RNF212: variants seen among roughly 807,000 people sequenced by gnomAD.
RNF212 encodes the protein probable E3 SUMO-protein ligase RNF212.
In RNF212, 33 loss-of-function variants were observed where a neutral mutation model predicts 34.7. That is an observed-to-expected ratio of 0.95 (90% CI 0.72 to 1.27). The LOEUF (loss-of-function observed/expected upper bound fraction) is 1.27. Ranked by LOEUF, RNF212 falls within the 50% of genes most tolerant of loss-of-function variation. RNF212 has a pLI of 0.00. For synonymous variants in RNF212, 140 were observed against 136.1 expected (o/e 1.03, Z -0.20); for missense variants, 377 against 362.2 (o/e 1.04, Z -0.33).
downstream of RNF212, among the ~76,000 whole-genome samples, chr4:1,068,165 T>C (rs1159494704): frequency 6.6e-6 from 1 of 152,198 alleles, no homozygotes; most frequent in African/African-American, 2.4e-5. Context: ...ATTATGTTGA[T>C]AAATTAAGAA....
Position 1,083,157 on chromosome 4 carries a change from C to T in RNF212, c.363-1538G>A, listed in dbSNP as rs527454997. 3.6e-4 allele frequency among the ~76,000 whole-genome samples: 55 copies of T among 152,220 alleles called. 1 individual carries two copies. Among genetic ancestry groups the T allele is most frequent in the Admixed American group, 1.0e-3 (16 of 15,304 alleles). ...CTCACCAGAGATCAGCAGAAATATA[C>T]CTCCCTCCAGCGAGAGTGGAAGAAA... On this transcript the variant is annotated intron_variant, in intron 5 of 9. Transcript: ENST00000433731.
chr4:1,106,249 T>C (rs947074301), intron 2 of RNF212, among the ~76,000 whole-genome samples: 1 of 145,948 alleles, frequency 6.9e-6, no homozygotes, highest in Non-Finnish European at 1.5e-5. Context: ...CAATTTTACT[T>C]ACACACACAC....
chr4:1,060,811 A>G (rs1163219894), intron 3 of RNF212, among the ~76,000 whole-genome samples: 1 of 152,156 alleles, frequency 6.6e-6, no homozygotes, highest in African/African-American at 2.4e-5. Flanking sequence ...AGCCCCACAC[A>G]CTGCTCAGTG....
Position 1,074,096 on chromosome 4 carries a change from T to C in RNF212, c.511-434A>G, listed in dbSNP as rs115539413. On this transcript the variant is annotated intron_variant, in intron 8 of 9. Coordinates refer to ENST00000433731, the MANE Select transcript of RNF212 (RefSeq NM_001131034.4). ...GCTCAGAGCTGTGTGTGCTGGGCCC[T>C]GCTCTGTGCCCACCCTTCACTCTAT... 1.2e-3 allele frequency among the ~76,000 whole-genome samples: 183 copies of C among 152,292 alleles called. 1 individual carries two copies. Among genetic ancestry groups the C allele is most frequent in the African/African-American group, 4.3e-3 (177 of 41,562 alleles).
intron 8 of RNF212, among the ~76,000 whole-genome samples, chr4:1,075,533 A>G (rs1298833714): frequency 6.6e-6 from 1 of 152,176 alleles, no homozygotes; most frequent in South Asian, 2.1e-4. Context: ...CATGGCAAAG[A>G]CAGCACCAGC....
intron 2 of RNF212, among the ~76,000 whole-genome samples, chr4:1,104,433 C>T (rs778749225): frequency 4.6e-5 from 7 of 152,152 alleles, no homozygotes; most frequent in Middle Eastern, 3.2e-3. Context: ...CCCTGTTCTC[C>T]AGGGCTTCTG....
At chr4:1,110,307 G>C (rs1725458724) in intron 1 of RNF212, among the ~76,000 whole-genome samples, 1 of 152,178 alleles carries the variant, frequency 6.6e-6, no homozygotes, top group African/African-American at 2.4e-5. Context: ...TGAAGGTCAA[G>C]GTCACTAGTA....
intron 4 of RNF212, chr4:1,056,803 G>A (rs1717353033): frequency 2.0e-6 from 2 of 981,982 alleles, no homozygotes; most frequent in Non-Finnish European, 2.4e-6. Context: ...ACTTTCCCAA[G>A]AGCATTTTCT....
At chr4:1,082,642 T>C (rs1244539115) in intron 5 of RNF212, among the ~76,000 whole-genome samples, 1 of 152,240 alleles carries the variant, frequency 6.6e-6, no homozygotes, top group Non-Finnish European at 1.5e-5. Context: ...TCACTTATCC[T>C]GACAGCCTGT....
intron 2 of RNF212, among the ~76,000 whole-genome samples, chr4:1,101,906 G>C (rs952056706): frequency 2.0e-5 from 3 of 152,122 alleles, no homozygotes; most frequent in African/African-American, 7.2e-5. Context: ...GTGTGTACTT[G>C]GCCATGTGTT....
chr4:1,107,634 T>C (rs1324926599), intron 2 of RNF212, among the ~76,000 whole-genome samples: 3 of 151,928 alleles, frequency 2.0e-5, no homozygotes, highest in Non-Finnish European at 4.4e-5. Flanking sequence ...GTATTTTTAG[T>C]AGAGATGGGG....
At chr4:1,060,238 A>G (rs1717662182) in intron 3 of RNF212, among the ~76,000 whole-genome samples, 1 of 152,370 alleles carries the variant, frequency 6.6e-6, no homozygotes, top group Non-Finnish European at 1.5e-5. Flanking sequence ...AGCAGTGCTC[A>G]AGAGAGCCAA....
intron 1 of RNF212, among the ~76,000 whole-genome samples, chr4:1,111,111 C>G (rs1422745444): frequency 6.6e-6 from 1 of 152,112 alleles, no homozygotes; most frequent in African/African-American, 2.4e-5. Context: ...TCACCAGTGC[C>G]CTCCTCACTG....
At chr4:1,089,407 TC>T (rs1275239429) in intron 4 of RNF212, among the ~76,000 whole-genome samples, 1 of 152,226 alleles carries the variant, frequency 6.6e-6, no homozygotes, top group African/African-American at 2.4e-5. Context: ...ATGCCTGTAC[TC>T]CCATAGTATC....
At chr4:1,058,513 A>G in intron 3 of RNF212, 1 of 288,006 alleles carries the variant, frequency 3.5e-6, no homozygotes, top group Non-Finnish European at 5.2e-6. Flanking sequence ...CCCTGCCACG[A>G]GGGCAGTGGC....
intron 5 of RNF212, among the ~76,000 whole-genome samples, chr4:1,083,639 AAAACAAACAAAC>A (rs76992730): frequency 9.6e-4 from 144 of 149,298 alleles, no homozygotes; most frequent in East Asian, 7.9e-4. Context: ...CTCTGTCTCA[AAAACAAACAAAC>A]AAACAAACAA....
Position 1,085,916 on chromosome 4 carries a change from C to A in RNF212, c.342G>T (p.Leu114=). The A allele has an allele frequency of 6.2e-7, 1 of 1,612,502 alleles. No homozygotes were observed. The highest frequency in any genetic ancestry group is 8.5e-7 in the Non-Finnish European group (1 of 1,179,102). ...RLEESLRKSV[L]QIEQLQSMRS... ...CTTACCTTTGTAGTTGTTCTATCTG[C>A]AGCACTGACTTCCTAAGGGATTCTT... Residue 114 remains leucine (L), a synonymous_variant, in exon 5 of 10, where the codon CTG becomes CTT. Coordinates refer to ENST00000433731, the MANE Select transcript of RNF212 (RefSeq NM_001131034.4).
intron 2 of RNF212, among the ~76,000 whole-genome samples, chr4:1,107,612 A>G (rs1725029724): frequency 6.6e-6 from 1 of 151,526 alleles, no homozygotes; most frequent in Non-Finnish European, 1.5e-5. Context: ...ACCACGCCCA[A>G]CTAATTTTTT....
chr4:1,056,363 G>A, exon 5 of RNF212: 1 of 181,792 alleles, frequency 5.5e-6, no homozygotes, highest in Non-Finnish European at 1.1e-5. Context: ...ACGAAGGCTG[G>A]AGGACTGGAA....
Sources: allele counts gnomAD v4.1 joint callset (sites outside exome capture counted in the v4.1 genomes callset), GRCh38; gene constraint gnomAD v4.1.1; transcripts MANE v1.5; gene names NCBI Gene and HGNC (gene_info 2026-07-23, HGNC 2026-07-21).